Variants in DENND5B observed in about 807,000 individuals in gnomAD.
DENND5B encodes the protein DENN domain-containing protein 5B.
Under a neutral mutation model 140.6 loss-of-function variants are expected in DENND5B, and 34 were observed. That is an observed-to-expected ratio of 0.24 (90% CI 0.18 to 0.32). DENND5B has a LOEUF of 0.32. Ranked by LOEUF, DENND5B falls within the 10% of genes least tolerant of loss-of-function variation. The pLI, the probability that DENND5B is intolerant of heterozygous loss-of-function variation, is 1.00. For synonymous variants in DENND5B, 551 were observed against 562.1 expected, an observed-to-expected ratio of 0.98 and a Z score of 0.28; for missense variants, 1,142 against 1,560.2, an observed-to-expected ratio of 0.73 and a Z score of 4.52.
chr12:31,410,339 G>A (rs1942384850), intron 13 of DENND5B, among the ~76,000 whole-genome samples: 1 of 152,144 alleles, frequency 6.6e-6, no homozygotes. Context: ...GTGTTTTATA[G>A]GTATTAATAC....
chr12:31,549,540 T>C (rs1054347077), intron 1 of DENND5B, among the ~76,000 whole-genome samples: 3 of 152,076 alleles, frequency 2.0e-5, no homozygotes, highest in Admixed American at 6.6e-5. Context: ...TTTTTTTTAA[T>C]TTTTATTTTT....
intron 14 of DENND5B, among the ~76,000 whole-genome samples, chr12:31,405,224 T>C (rs1942056999): frequency 6.6e-6 from 1 of 151,834 alleles, no homozygotes; most frequent in Non-Finnish European, 1.5e-5. Flanking sequence ...TTTTAAAGTT[T>C]TTTTTTTTTG....
intron 1 of DENND5B, among the ~76,000 whole-genome samples, chr12:31,580,586 C>A (rs1803062078): frequency 6.6e-6 from 1 of 152,140 alleles, no homozygotes; most frequent in South Asian, 2.1e-4. Context: ...CCTTGACATC[C>A]TGGGTTCAAG....
At chr12:31,549,752 T>C (rs1400787860) in intron 1 of DENND5B, among the ~76,000 whole-genome samples, 4 of 152,106 alleles carry the variant, frequency 2.6e-5, no homozygotes, top group African/African-American at 4.8e-5. Context: ...CCTGTGTCCA[T>C]GTGTTCTCAC....
At chr12:31,533,407 C>A (rs2139101841) in intron 1 of DENND5B, among the ~76,000 whole-genome samples, 1 of 152,180 alleles carries the variant, frequency 6.6e-6, no homozygotes, top group South Asian at 2.1e-4. Context: ...ACTTTATTTT[C>A]TTGAATGTTT....
intron 1 of DENND5B, among the ~76,000 whole-genome samples, chr12:31,521,340 C>G (rs1464076885): frequency 1.3e-5 from 2 of 148,830 alleles, no homozygotes; most frequent in Non-Finnish European, 3.0e-5. Context: ...TATTTAGAGA[C>G]AGCGTCTCAC....
intron 1 of DENND5B, among the ~76,000 whole-genome samples, chr12:31,530,707 T>C (rs1413772498): frequency 6.6e-6 from 1 of 152,218 alleles, no homozygotes; most frequent in Non-Finnish European, 1.5e-5. Context: ...GTTAAAGCCA[T>C]GTTCAGACAT....
intron 1 of DENND5B, among the ~76,000 whole-genome samples, chr12:31,563,986 G>T (rs1052133519): frequency 4.6e-5 from 7 of 152,050 alleles, no homozygotes; most frequent in African/African-American, 1.7e-4. Context: ...GCATGGTAGT[G>T]CATGCCTGTA....
intron 1 of DENND5B, among the ~76,000 whole-genome samples, chr12:31,556,013 G>A (rs1169873214): frequency 6.6e-6 from 1 of 152,240 alleles, no homozygotes; most frequent in African/African-American, 2.4e-5. Flanking sequence ...CCCGGGTGAG[G>A]TGATGCCTCG....
intron 14 of DENND5B, among the ~76,000 whole-genome samples, chr12:31,408,271 C>G (rs1003799749): frequency 6.6e-6 from 1 of 151,936 alleles, no homozygotes; most frequent in Non-Finnish European, 1.5e-5. Flanking sequence ...TGCACTCCAG[C>G]CTAGGTGACA....
intron 1 of DENND5B, among the ~76,000 whole-genome samples, chr12:31,575,164 AGCCAT>A (rs1374023499): frequency 6.6e-6 from 1 of 152,218 alleles, no homozygotes; most frequent in Admixed American, 6.5e-5. Context: ...TTGTTACCCC[AGCCAT>A]TTATATTTCC....
Position 31,397,143 on chromosome 12 carries a change from G to A in DENND5B, c.3256+1032C>T, listed in dbSNP as rs536636112. On this transcript the variant is annotated intron_variant, in intron 17 of 20. Transcript: ENST00000389082. ...TACTATATTACTAAAAATGACACAT[G>A]AACATAGTATAATATTCATAAAATT... is the stretch of plus-strand genomic sequence containing the variant. Among the ~76,000 whole-genome samples, 4 of 152,170 alleles carry A rather than the reference G, an allele frequency of 2.6e-5. No individual in the cohort carries two copies. The South Asian group carries it at 8.3e-4, about 32-fold the overall frequency.
intron 1 of DENND5B, among the ~76,000 whole-genome samples, chr12:31,532,745 C>T (rs1303883441): frequency 6.6e-6 from 1 of 152,136 alleles, no homozygotes; most frequent in African/African-American, 2.4e-5. Context: ...CTGGCTTTGG[C>T]AACTAGTTAG....
In DENND5B at chr12:31,475,648, C is replaced by T. The variant is rs572523290; in HGVS notation, c.904+3941G>A. On this transcript the variant is annotated intron_variant, in intron 3 of 20. Transcript: ENST00000389082. ...CCTGTAGTCCCAGCTACTCAGGAGG[C>T]TGAGGGGTGAAGGTTGCTTGAGCCC... is the stretch of plus-strand genomic sequence containing the variant. 5.9e-5 allele frequency among the ~76,000 whole-genome samples: 9 copies of T among 152,196 alleles called. No individual in the cohort carries two copies. In the South Asian group the frequency reaches 1.9e-3, roughly 32 times the overall value.
At chr12:31,532,868 G>A (rs957428319) in intron 1 of DENND5B, among the ~76,000 whole-genome samples, 1 of 152,156 alleles carries the variant, frequency 6.6e-6, no homozygotes, top group Admixed American at 6.5e-5. Context: ...GAATTATTTT[G>A]TACAATGAGA....
intron 1 of DENND5B, among the ~76,000 whole-genome samples, chr12:31,561,602 A>G (rs1192677216): frequency 6.6e-6 from 1 of 152,234 alleles, no homozygotes; most frequent in Non-Finnish European, 1.5e-5. Context: ...CCAACATCTA[A>G]CCACCTCAAT....
intron 5 of DENND5B, among the ~76,000 whole-genome samples, chr12:31,451,043 A>C (rs956265849): frequency 6.6e-6 from 1 of 152,196 alleles, no homozygotes; most frequent in Non-Finnish European, 1.5e-5. Flanking sequence ...ATAAAACTTA[A>C]TTTAGTCACT....
intron 1 of DENND5B, among the ~76,000 whole-genome samples, chr12:31,528,012 C>T (rs1948147676): frequency 6.6e-6 from 1 of 152,102 alleles, no homozygotes; most frequent in Non-Finnish European, 1.5e-5. Flanking sequence ...TTAACAAGGC[C>T]ATAACAACCG....
chr12:31,500,771 G>A (rs1356485227), intron 1 of DENND5B: 2 of 158,906 alleles, frequency 1.3e-5, no homozygotes, highest in African/African-American at 4.9e-5. Context: ...ACCAAATATT[G>A]ACAAGGATAG....
Sources: gnomAD v4.1 joint callset for allele counts (sites outside exome capture counted in the v4.1 genomes callset) on GRCh38, gnomAD v4.1.1 for gene constraint, MANE v1.5 for transcripts, NCBI Gene and HGNC (gene_info 2026-07-23, HGNC 2026-07-21) for gene names.